Variants in RANBP17 observed in about 807,000 individuals in gnomAD.
RANBP17 encodes the protein ran-binding protein 17.
A neutral mutation model predicts 141.2 loss-of-function variants in RANBP17; 158 were observed. That is an observed-to-expected ratio of 1.12 (90% CI 0.98 to 1.28). The LOEUF (loss-of-function observed/expected upper bound fraction) is 1.28, where lower values mean the gene tolerates loss of function less well. Ranked by LOEUF, RANBP17 falls within the 50% of genes most tolerant of loss-of-function variation. The probability of loss-of-function intolerance (pLI) is 0.00; values close to 1 mark genes in which losing one functional copy is unlikely to be tolerated. For missense variants in RANBP17, 1,438 were observed against 1,290.7 expected (o/e 1.11, Z -1.75); for synonymous variants, 430 against 450.0 (o/e 0.96, Z 0.56).
intron 14 of RANBP17, among the ~76,000 whole-genome samples, chr5:171,077,996 G>A (rs1268412967): frequency 6.6e-6 from 1 of 152,194 alleles, no homozygotes; most frequent in African/African-American, 2.4e-5. Flanking sequence ...AAGGAAAGAA[G>A]CCATCTCCGT....
chr5:171,027,223 C>T (rs1781289708), intron 14 of RANBP17, among the ~76,000 whole-genome samples: 1 of 152,126 alleles, frequency 6.6e-6, no homozygotes, highest in Non-Finnish European at 1.5e-5. Context: ...TCAGGCATTG[C>T]TTTGAAAAAG....
intron 14 of RANBP17, among the ~76,000 whole-genome samples, chr5:171,057,608 T>C (rs981699860): frequency 2.0e-5 from 3 of 152,174 alleles, no homozygotes; most frequent in African/African-American, 7.2e-5. Flanking sequence ...TGATTATGTA[T>C]TTATTAGTCT....
chr5:170,966,458 A>G (rs1369330373), intron 13 of RANBP17, among the ~76,000 whole-genome samples: 2 of 152,244 alleles, frequency 1.3e-5, no homozygotes, highest in African/African-American at 2.4e-5. Flanking sequence ...GATTATCTCA[A>G]TAGATGCAGA....
chr5:171,117,076 T>C (rs1161146443), intron 14 of RANBP17, among the ~76,000 whole-genome samples: 2 of 152,220 alleles, frequency 1.3e-5, no homozygotes, highest in Non-Finnish European at 2.9e-5. Flanking sequence ...AATGGACATA[T>C]AGGCTGATTC....
chr5:171,130,634 G>C (rs1357803943), intron 14 of RANBP17, among the ~76,000 whole-genome samples: 1 of 151,506 alleles, frequency 6.6e-6, no homozygotes, highest in Middle Eastern at 3.2e-3. Context: ...CGGGGTTTCT[G>C]CATGTTGGCC....
intron 25 of RANBP17, 80 bp downstream of exon 25, chr5:171,265,927 G>T (rs1333022183): frequency 3.0e-6 from 4 of 1,320,748 alleles, no homozygotes; most frequent in Non-Finnish European, 4.2e-6. Context: ...TCTTAGAGCA[G>T]CTGGTCTTGC....
In RANBP17 at chr5:171,254,787, A is replaced by G. The variant is rs1561804383; in HGVS notation, c.2777-10894A>G. On this transcript the variant is annotated intron_variant, in intron 24 of 27. Coordinates refer to ENST00000523189, the MANE Select transcript of RANBP17 (RefSeq NM_022897.5). ...AGCAATCAGGCGTTGGATGTTCTTT[A>G]TTAAACTCTTTTCAGGCAGTAAATT... Among the ~76,000 whole-genome samples, 3 of 152,192 alleles carry G rather than the reference A, an allele frequency of 2.0e-5. No individual in the cohort carries two copies. In the South Asian group the frequency reaches 6.2e-4, roughly 32 times the overall value.
intron 14 of RANBP17, among the ~76,000 whole-genome samples, chr5:171,112,381 C>T (rs1475641705): frequency 6.6e-6 from 1 of 151,478 alleles, no homozygotes; most frequent in African/African-American, 2.4e-5. Context: ...TTTATATCTT[C>T]AATAAATGTT....
chr5:170,872,766 T>G (rs1179365142), intron 1 of RANBP17, among the ~76,000 whole-genome samples: 1 of 152,210 alleles, frequency 6.6e-6, no homozygotes, highest in East Asian at 1.9e-4. Context: ...ATTCTATTTT[T>G]CTGCATCATT....
chr5:171,261,090 C>CCCCAAAA (rs1554125343), intron 24 of RANBP17, among the ~76,000 whole-genome samples: 1 of 68,490 alleles, frequency 1.5e-5, no homozygotes, highest in Non-Finnish European at 2.5e-5. Flanking sequence ...CCACCCCCCC[C>CCCCAAAA]AAAAAAAAAA....
chr5:171,118,939 G>A (rs1755827387), intron 14 of RANBP17, among the ~76,000 whole-genome samples: 1 of 151,982 alleles, frequency 6.6e-6, no homozygotes, highest in South Asian at 2.1e-4. Context: ...TAATTGCTCT[G>A]GATACGACTT....
intron 16 of RANBP17, among the ~76,000 whole-genome samples, chr5:171,172,916 A>G (rs1485833386): frequency 6.6e-6 from 1 of 151,820 alleles, no homozygotes; most frequent in Non-Finnish European, 1.5e-5. Context: ...AGTACTTCTC[A>G]AAGTGAATTA....
intron 24 of RANBP17, chr5:171,252,947 CTG>C (rs775606144): frequency 2.2e-5 from 32 of 1,449,942 alleles, no homozygotes; most frequent in Non-Finnish European, 3.0e-5. Context: ...TCAAAGAACT[CTG>C]AGTCTGGTTA....
chr5:170,920,585 A>G (rs774304766), intron 11 of RANBP17, among the ~76,000 whole-genome samples: 19 of 151,438 alleles, frequency 1.3e-4, no homozygotes, highest in Non-Finnish European at 2.5e-4. Context: ...TGTATTTGCA[A>G]ATATTTTCTG....
intron 14 of RANBP17, among the ~76,000 whole-genome samples, chr5:171,049,878 A>G (rs1447636414): frequency 6.6e-6 from 1 of 152,056 alleles, no homozygotes; most frequent in African/African-American, 2.4e-5. Flanking sequence ...GTAGCCTTGT[A>G]TTATAGTTTG....
intron 24 of RANBP17, among the ~76,000 whole-genome samples, 183 bp from the exon 25 acceptor site, chr5:171,265,498 C>G (rs541932600): frequency 2.0e-5 from 3 of 152,300 alleles, no homozygotes; most frequent in South Asian, 4.1e-4. Context: ...CCATTGCACT[C>G]TAGCCTGGGT....
At chr5:170,870,823 T>A (rs1455236913) in intron 1 of RANBP17, among the ~76,000 whole-genome samples, 1 of 152,204 alleles carries the variant, frequency 6.6e-6, no homozygotes, top group African/African-American at 2.4e-5. Flanking sequence ...TTGAACTAAT[T>A]TACATTCCCA....
At chr5:170,983,167 A>C in intron 14 of RANBP17, 1 of 495,866 alleles carries the variant, frequency 2.0e-6, no homozygotes, top group Non-Finnish European at 3.9e-6. Flanking sequence ...AACACAGGAG[A>C]GAGGCTAAGG....
At chr5:171,109,648 A>G (rs997059512) in intron 14 of RANBP17, among the ~76,000 whole-genome samples, 1 of 152,198 alleles carries the variant, frequency 6.6e-6, no homozygotes, top group African/African-American at 2.4e-5. Context: ...AACTAATACA[A>G]TGTAAATGCT....
Sources: gnomAD v4.1 joint callset for allele counts (sites outside exome capture counted in the v4.1 genomes callset) on GRCh38, gnomAD v4.1.1 for gene constraint, MANE v1.5 for transcripts, NCBI Gene and HGNC (gene_info 2026-07-23, HGNC 2026-07-21) for gene names.